OGA: variants seen among roughly 807,000 people sequenced by gnomAD.
OGA encodes the protein protein O-GlcNAcase.
A neutral mutation model predicts 102.0 loss-of-function variants in OGA; 21 were observed. That is an observed-to-expected ratio of 0.21 (90% CI 0.15 to 0.30). The LOEUF (loss-of-function observed/expected upper bound fraction) is 0.30. Among genes scored for constraint, OGA ranks in the 10% least tolerant of loss-of-function variants. The pLI is 1.00. For synonymous variants in OGA, 408 were observed against 378.2 expected (o/e 1.08, Z -0.91); for missense variants, 765 against 1,107.8 (o/e 0.69, Z 4.39).
At chr10:101,815,658 T>G (rs901993963) in intron 1 of OGA, among the ~76,000 whole-genome samples, 4 of 152,178 alleles carry the variant, frequency 2.6e-5, no homozygotes, top group Non-Finnish European at 4.4e-5. Context: ...TTATCATTTT[T>G]TTTTTAAGGA....
chr10:101,785,006 C>A lies in OGA; in HGVS notation c.*1445G>T, dbSNP rs1350204627. 1 of 152,212 alleles carries A rather than the reference C, an allele frequency of 6.6e-6. No homozygotes were observed. Among genetic ancestry groups the A allele is most frequent in the African/African-American group, 2.4e-5 (1 of 41,446 alleles). The allele number at this position is 152,212 out of a possible 1,614,324, so 9.4% of individuals were successfully genotyped here. On this transcript the variant is annotated 3_prime_UTR_variant, in exon 16 of 16. Coordinates refer to ENST00000361464, the MANE Select transcript of OGA (RefSeq NM_012215.5). The stretch of plus-strand genomic sequence containing the variant: ...TACCACTAGGTACAATGCTTTAGGG[C>A]TCTCTCAAAGCCCACAATGGTGGAG...
At chr10:101,798,760 G>A (rs2065352041) in intron 9 of OGA, 82 bp downstream of exon 9, 2 of 1,460,368 alleles carry the variant, frequency 1.4e-6, no homozygotes, top group East Asian at 2.3e-5. Flanking sequence ...CAGTTACAGT[G>A]TACTCATTTA....
chr10:101,793,230 T>C (rs2065278708), intron 11 of OGA, among the ~76,000 whole-genome samples: 1 of 152,218 alleles, frequency 6.6e-6, no homozygotes, highest in Non-Finnish European at 1.5e-5. Flanking sequence ...ATTCCAATTA[T>C]GACAAATCTA....
intron 10 of OGA, chr10:101,797,259 T>C (rs2065328128): frequency 6.6e-6 from 1 of 152,182 alleles, no homozygotes; most frequent in Non-Finnish European, 1.5e-5. Context: ...TCCTTATAGC[T>C]GGATTGAAAA....
chr10:101,816,622 T>G (rs902082036), intron 1 of OGA, among the ~76,000 whole-genome samples: 5 of 152,194 alleles, frequency 3.3e-5, no homozygotes, highest in African/African-American at 1.2e-4. Context: ...TACAACGATA[T>G]AAGTCACACA....
chr10:101,801,293 G>T (rs967770626), intron 7 of OGA, among the ~76,000 whole-genome samples: 1 of 151,848 alleles, frequency 6.6e-6, no homozygotes, highest in Non-Finnish European at 1.5e-5. Context: ...TCGGGAGGCT[G>T]AGGCAGGAGA....
At chr10:101,817,265 A>C (rs1023504434) in intron 1 of OGA, among the ~76,000 whole-genome samples, 2 of 152,228 alleles carry the variant, frequency 1.3e-5, no homozygotes, top group Non-Finnish European at 2.9e-5. Flanking sequence ...CCTCGAGAGC[A>C]AAGTACAGTA....
rs750751308 is a variant in OGA at position 101,798,126 on chromosome 10, T to G, written c.1838A>C (p.Lys613Thr). The G allele has an allele frequency of 1.2e-6, 2 of 1,614,128 alleles. No individual in the cohort carries two copies. Among genetic ancestry groups the G allele is most frequent in the South Asian group, 1.1e-5 (1 of 91,072 alleles). Residue 613 changes from lysine (K) to threonine (T), a missense_variant, in exon 10 of 16, where the codon AAG (lysine) becomes ACG (threonine). Around this residue, in one of 7 missense-constraint regions of OGA, gnomAD observed 281 missense variants for 345.8 expected, o/e 0.81. Coordinates refer to ENST00000361464, the MANE Select transcript of OGA (RefSeq NM_012215.5). ...KIEEWRSRAA[K>T]FEEMCGLVMG... Reference sequence around the variant, plus strand: ...CACTAGTCCACACATCTCTTCAAACTTGGCTGCTCGTGACCGCCATTCTTC... The same window carrying G: ...CACTAGTCCACACATCTCTTCAAACGTGGCTGCTCGTGACCGCCATTCTTC...
intron 14 of OGA, among the ~76,000 whole-genome samples, chr10:101,788,564 G>A (rs748905547): frequency 1.3e-5 from 2 of 151,494 alleles, no homozygotes; most frequent in African/African-American, 4.9e-5. Flanking sequence ...GTGAAACCCC[G>A]TATCTAGTAA....
intron 7 of OGA, 99 bp from the exon 8 acceptor site, chr10:101,800,499 CACAGAA>C: frequency 1.1e-6 from 1 of 879,674 alleles, no homozygotes; most frequent in Non-Finnish European, 1.7e-6. Context: ...ACAGTATAAC[CACAGAA>C]ACAAAGAACA....
chr10:101,800,138 G>A, intron 8 of OGA, 104 bp downstream of exon 8: 1 of 1,278,660 alleles, frequency 7.8e-7, no homozygotes, highest in South Asian at 1.5e-5. Context: ...CTCCCAAAGT[G>A]CTGAGATTAC....
At chr10:101,808,531 T>C (rs1007920985) in intron 4 of OGA, among the ~76,000 whole-genome samples, 9 of 152,316 alleles carry the variant, frequency 5.9e-5, no homozygotes, top group African/African-American at 9.6e-5. Context: ...TCAGAAAGAA[T>C]AGAATTTTAT....
At chr10:101,800,477 C>A (rs1332597036) in intron 7 of OGA, 77 bp from the exon 8 acceptor site, 3 of 1,111,052 alleles carry the variant, frequency 2.7e-6, no homozygotes, top group African/African-American at 3.1e-5. Flanking sequence ...AGAATAAATG[C>A]AACTAGTTTT....
At chr10:101,791,766 A>C (rs1021009518) in intron 12 of OGA, among the ~76,000 whole-genome samples, 2 of 152,050 alleles carry the variant, frequency 1.3e-5, no homozygotes, top group African/African-American at 2.4e-5. Flanking sequence ...TCCTGGGTTC[A>C]AGTGATTCTC....
chr10:101,792,966 A>G, intron 11 of OGA, 23 bp from the exon 12 acceptor site: 1 of 1,586,074 alleles, frequency 6.3e-7, no homozygotes, highest in South Asian at 1.1e-5. Flanking sequence ...AAAAAAGGAG[A>G]TGGATTAGTT....
chr10:101,817,166 G>A (rs1011811012), intron 1 of OGA, among the ~76,000 whole-genome samples: 1 of 152,200 alleles, frequency 6.6e-6, no homozygotes, highest in African/African-American at 2.4e-5. Flanking sequence ...GGCGAGAAGG[G>A]CATTTTTAAA....
Position 101,798,181 on chromosome 10 carries a change from A to G in OGA, c.1810-27T>C, listed in dbSNP as rs775494887. The G allele has an allele frequency of 1.8e-5, 29 of 1,605,474 alleles. No homozygotes were observed. The East Asian group carries it at 6.5e-4, about 36-fold the overall frequency. ...TATTGAAGATCAATAAAAAGACTCA[A>G]AAAACTGTAAGCTTAACAAAATAAT... On this transcript the variant is annotated intron_variant, in intron 9 of 15. Coordinates refer to ENST00000361464, the MANE Select transcript of OGA (RefSeq NM_012215.5).
At chr10:101,817,763 A>C (rs2065657846) in intron 1 of OGA, 61 bp downstream of exon 1, 8 of 1,511,618 alleles carry the variant, frequency 5.3e-6, no homozygotes, top group Non-Finnish European at 7.1e-6. Flanking sequence ...CCCCGCCACC[A>C]CCCTCCTCCC....
intron 15 of OGA, 95 bp from the exon 16 acceptor site, chr10:101,786,682 C>T (rs1178181519): frequency 9.3e-7 from 1 of 1,078,068 alleles, no homozygotes; most frequent in African/African-American, 1.6e-5. Context: ...TTAATATAAA[C>T]AGGGCTTGTC....
Sources: allele counts gnomAD v4.1 joint callset (sites outside exome capture counted in the v4.1 genomes callset), GRCh38; gene constraint gnomAD v4.1.1; regional missense constraint gnomAD v4.1.1; transcripts MANE v1.5; gene names NCBI Gene and HGNC (gene_info 2026-07-23, HGNC 2026-07-21).